The following MTHFS variants were observed in gnomAD, a reference collection of about 807,000 sequenced individuals.
MTHFS encodes the protein 5-formyltetrahydrofolate cyclo-ligase.
In MTHFS, 7 loss-of-function variants were observed where a neutral mutation model predicts 12.7. That is an observed-to-expected ratio of 0.55 (90% confidence interval 0.31 to 1.03). The LOEUF (loss-of-function observed/expected upper bound fraction) is 1.03. Ranked by LOEUF, MTHFS falls within the 50% of genes least tolerant of loss-of-function variation. MTHFS has a pLI of 0.05. For synonymous variants in MTHFS, 100 were observed against 97.1 expected, an observed-to-expected ratio of 1.03 and a Z score of -0.18; for missense variants, 252 against 258.1, an observed-to-expected ratio of 0.98 and a Z score of 0.16.
At chr15:79,879,809 C>A (rs190873031) in intron 2 of MTHFS, among the ~76,000 whole-genome samples, 442 of 152,278 alleles carry the variant, frequency 2.9e-3, no homozygotes, top group African/African-American at 0.01. Context: ...CACATATATA[C>A]ACACAAAACT....
At chr15:79,873,663 T>G (rs1466836782) in intron 2 of MTHFS, among the ~76,000 whole-genome samples, 1 of 152,224 alleles carries the variant, frequency 6.6e-6, no homozygotes, top group East Asian at 1.9e-4. Flanking sequence ...CTGGTCCTCT[T>G]ACCTGGTGAG....
At chr15:79,853,956 C>T (rs572623204) in intron 2 of MTHFS, among the ~76,000 whole-genome samples, 1 of 152,326 alleles carries the variant, frequency 6.6e-6, no homozygotes, top group South Asian at 2.1e-4. Context: ...TCTTTGCAAA[C>T]ATGACTTAAT....
chr15:79,879,321 C>CTTTTTTTTTTTTT (rs565488885), intron 2 of MTHFS, among the ~76,000 whole-genome samples: 8 of 79,330 alleles, frequency 1.0e-4, no homozygotes, highest in Admixed American at 1.6e-4. Context: ...AATTATTACC[C>CTTTTTTTTTTTTT]TTTTTTTTTT....
intron 2 of MTHFS, among the ~76,000 whole-genome samples, chr15:79,878,901 A>G (rs1404415906): frequency 6.7e-6 from 1 of 150,140 alleles, no homozygotes; most frequent in African/African-American, 2.5e-5. Context: ...CTGCCTCAAT[A>G]TGACAATAAT....
At position 79,843,806 on chromosome 15, in the gene MTHFS, A is replaced by G. The variant is rs2033561828; in HGVS notation, c.*1404T>C. On this transcript the variant is annotated 3_prime_UTR_variant, in exon 3 of 3. Coordinates refer to ENST00000258874, the MANE Select transcript of MTHFS (RefSeq NM_006441.4). ...CAAATAATTTGATACGTAAGACAAC[A>G]TGATAAGCACATCAATGGCCAAGGC... 6.6e-6 allele frequency: 1 copy of G among 152,264 alleles called. No individual in the cohort carries two copies. The highest frequency in any genetic ancestry group is 2.1e-4 in the South Asian group (1 of 4,832). 9.4% of individuals were successfully genotyped at this position (152,264 alleles called of 1,614,324 possible). A position where few individuals can be genotyped will look rare whatever the true frequency, so the allele number is the denominator to read the frequency against.
intron 1 of MTHFS, among the ~76,000 whole-genome samples, chr15:79,893,628 G>C (rs922048182): frequency 2.7e-5 from 4 of 150,436 alleles, no homozygotes; most frequent in African/African-American, 9.8e-5. Context: ...AACCCGGGAA[G>C]CAGAGCTTGC....
chr15:79,849,881 G>A (rs773449327), intron 2 of MTHFS, among the ~76,000 whole-genome samples: 10 of 152,192 alleles, frequency 6.6e-5, no homozygotes, highest in Non-Finnish European at 1.3e-4. Flanking sequence ...GCTAACCTTT[G>A]GAAAACTCAC....
At chr15:79,867,915 G>C (rs1304096810) in intron 2 of MTHFS, among the ~76,000 whole-genome samples, 1 of 152,206 alleles carries the variant, frequency 6.6e-6, no homozygotes, top group Non-Finnish European at 1.5e-5. Flanking sequence ...GCTTTGAGTG[G>C]AGTGTGTGTG....
At chr15:79,893,655 G>C (rs1362012345) in intron 1 of MTHFS, among the ~76,000 whole-genome samples, 1 of 147,090 alleles carries the variant, frequency 6.8e-6, no homozygotes, top group Non-Finnish European at 1.5e-5. Flanking sequence ...CCGAGATCAC[G>C]CCACTGCATA....
intron 2 of MTHFS, among the ~76,000 whole-genome samples, chr15:79,862,173 T>A (rs2033928278): frequency 2.0e-5 from 3 of 151,082 alleles, no homozygotes; most frequent in Middle Eastern, 3.4e-3. Flanking sequence ...TCCTCTCATA[T>A]CCCTGTTTTT....
At position 79,845,447 on chromosome 15, in the gene MTHFS, G is replaced by T. The variant is rs566629562; in HGVS notation, c.380-5C>A. On this transcript the variant is annotated splice_polypyrimidine_tract_variant and splice_region_variant and intron_variant, in intron 2 of 2. Coordinates refer to ENST00000258874, the MANE Select transcript of MTHFS (RefSeq NM_006441.4). ...TGAAGATGAGATCAAGTCCCCCTGC[G>T]GAAAAGAGGAACAAATTTAAGAGGA... is the stretch of plus-strand genomic sequence containing the variant. The T allele has an allele frequency of 2.2e-5, 36 of 1,609,390 alleles. No individual in the cohort carries two copies. In the South Asian group the frequency reaches 3.7e-4, roughly 17 times the overall value.
At position 79,864,541 on chromosome 15, in the gene MTHFS, T is replaced by C. The variant is rs536894055; in HGVS notation, c.380-19099A>G. On this transcript the variant is annotated intron_variant, in intron 2 of 2. Coordinates refer to ENST00000258874, the MANE Select transcript of MTHFS (RefSeq NM_006441.4). ...GCTTGGGCAACAAAGTGAGACTCCA[T>C]CTCAACAAAAAAAAAAAAAAAAAAA... Among the ~76,000 whole-genome samples, 35 of 75,570 alleles carry C rather than the reference T, an allele frequency of 4.6e-4. No homozygotes were observed. The East Asian group carries it at 8.3e-3, about 18-fold the overall frequency. The allele number at this position is 75,570 out of a possible 152,430, so 49.6% of individuals were successfully genotyped here.
intron 2 of MTHFS, chr15:79,877,102 A>G (rs553248500): frequency 6.6e-6 from 1 of 152,148 alleles, no homozygotes; most frequent in African/African-American, 2.4e-5. Flanking sequence ...GGATTCAACA[A>G]TGGGTTTGAG....
chr15:79,897,198 C>T, upstream of MTHFS: 1 of 462,282 alleles, frequency 2.2e-6, no homozygotes, highest in Non-Finnish European at 3.7e-6. Flanking sequence ...CTCGTGCGGT[C>T]CCCGTGGTCC....
chr15:79,875,493 T>C (rs988757128), intron 2 of MTHFS, among the ~76,000 whole-genome samples: 2 of 152,162 alleles, frequency 1.3e-5, no homozygotes, highest in African/African-American at 4.8e-5. Flanking sequence ...AATCATCTTT[T>C]TAAAGACAGT....
chr15:79,847,036 A>T (rs186488607), intron 2 of MTHFS, among the ~76,000 whole-genome samples: 1 of 152,346 alleles, frequency 6.6e-6, no homozygotes. Context: ...AGTCTCTGCC[A>T]AATGCCCCAA....
intron 1 of MTHFS, among the ~76,000 whole-genome samples, chr15:79,896,371 T>C (rs1262408397): frequency 1.3e-5 from 2 of 152,200 alleles, no homozygotes; most frequent in Admixed American, 6.5e-5. Flanking sequence ...TTTTTTGGTG[T>C]TCCCTCGTCT....
At chr15:79,874,756 G>A (rs975019853) in intron 2 of MTHFS, among the ~76,000 whole-genome samples, 5 of 152,082 alleles carry the variant, frequency 3.3e-5, no homozygotes, top group Non-Finnish European at 7.4e-5. Flanking sequence ...TCTCAGGGCT[G>A]TTCCTTGCTG....
chr15:79,845,919 C>T (rs1273555404), intron 2 of MTHFS, among the ~76,000 whole-genome samples: 1 of 152,190 alleles, frequency 6.6e-6, no homozygotes, highest in Admixed American at 6.5e-5. Context: ...GCAGTTCAGA[C>T]AGCCTACTCC....
Sources: allele counts gnomAD v4.1 joint callset (sites outside exome capture counted in the v4.1 genomes callset), GRCh38; gene constraint gnomAD v4.1.1; transcripts MANE v1.5; gene names NCBI Gene and HGNC (gene_info 2026-07-23, HGNC 2026-07-21).